MECOM: variants seen among roughly 807,000 people sequenced by gnomAD.
The protein encoded by MECOM is histone-lysine N-methyltransferase MECOM.
A neutral mutation model predicts 116.3 loss-of-function variants in MECOM; 13 were observed. The ratio of observed to expected loss-of-function variants is 0.11; its 90% confidence interval spans 0.07 to 0.18. The LOEUF is 0.18. Ranked by LOEUF, MECOM falls within the 10% of genes least tolerant of loss-of-function variation. The probability of loss-of-function intolerance (pLI) is 1.00; values close to 1 mark genes in which losing one functional copy is unlikely to be tolerated. For synonymous variants in MECOM, 528 were observed against 535.2 expected (o/e 0.99, Z 0.19); for missense variants, 1,299 against 1,509.0 (o/e 0.86, Z 2.31).
intron 2 of MECOM, among the ~76,000 whole-genome samples, chr3:169,362,756 A>G (rs1277191988): frequency 6.6e-6 from 1 of 151,948 alleles, no homozygotes; most frequent in African/African-American, 2.4e-5. Context: ...AATACACTTC[A>G]TCAAGTTGAG....
Position 169,223,556 on chromosome 3 carries a change from T to C in MECOM, c.376-79724A>G, listed in dbSNP as rs574453157. ...AGTAACTTCCAATTAAAAAATGTGA[T>C]AGGTTATAAAGTTCAACTGTGTATT... On this transcript the variant is annotated intron_variant, in intron 2 of 16. Coordinates refer to ENST00000651503, the MANE Select transcript of MECOM (RefSeq NM_004991.4). 4.6e-5 allele frequency among the ~76,000 whole-genome samples: 7 copies of C among 152,138 alleles called. No individual in the cohort carries two copies. The South Asian group carries it at 1.5e-3, about 32-fold the overall frequency.
chr3:169,660,456 G>A (rs937006391), intron 1 of MECOM, among the ~76,000 whole-genome samples: 13 of 146,592 alleles, frequency 8.9e-5, no homozygotes, highest in African/African-American at 3.0e-4. Context: ...TATTTTCAGG[G>A]TCCGTGGTCT....
chr3:169,106,319 C>T (rs1725404940), intron 10 of MECOM, among the ~76,000 whole-genome samples: 1 of 151,960 alleles, frequency 6.6e-6, no homozygotes, highest in African/African-American at 2.4e-5. Flanking sequence ...TTTGTGAGTA[C>T]ATTGTAGGTG....
intron 2 of MECOM, among the ~76,000 whole-genome samples, chr3:169,150,579 C>G (rs964427833): frequency 6.6e-6 from 1 of 152,050 alleles, no homozygotes; most frequent in Non-Finnish European, 1.5e-5. Context: ...GACAGATGAT[C>G]TAAATATTAA....
At chr3:169,244,368 G>A (rs193205364) in intron 2 of MECOM, among the ~76,000 whole-genome samples, 42 of 152,278 alleles carry the variant, frequency 2.8e-4, no homozygotes, top group Non-Finnish European at 4.1e-4. Context: ...TTTGGGAGCC[G>A]GAGCTACAGT....
chr3:169,417,622 G>T (rs1738893007), intron 1 of MECOM, among the ~76,000 whole-genome samples: 1 of 151,498 alleles, frequency 6.6e-6, no homozygotes, highest in Non-Finnish European at 1.5e-5. Context: ...ATACCCAAAG[G>T]ACTATAAATC....
chr3:169,571,027 T>C (rs1763826888), intron 1 of MECOM, among the ~76,000 whole-genome samples: 3 of 151,726 alleles, frequency 2.0e-5, no homozygotes, highest in Admixed American at 1.3e-4. Context: ...GGTATTCAAA[T>C]AGGAAAAAAA....
At chr3:169,140,014 C>T (rs1284520951) in intron 3 of MECOM, among the ~76,000 whole-genome samples, 1 of 150,696 alleles carries the variant, frequency 6.6e-6, no homozygotes, top group East Asian at 1.9e-4. Context: ...TCACATTAAA[C>T]ACATAGGTGC....
intron 1 of MECOM, among the ~76,000 whole-genome samples, chr3:169,594,697 C>T (rs1380219654): frequency 6.6e-6 from 1 of 151,696 alleles, no homozygotes; most frequent in Non-Finnish European, 1.5e-5. Context: ...ACTAGTCCAT[C>T]TGCAGGCATT....
intron 1 of MECOM, among the ~76,000 whole-genome samples, chr3:169,645,877 C>T (rs1290656734): frequency 6.6e-6 from 1 of 152,224 alleles, no homozygotes; most frequent in African/African-American, 2.4e-5. Context: ...TTGCTCTCCA[C>T]TACCTGAGTC....
At chr3:169,254,872 T>A (rs1577481134) in intron 2 of MECOM, among the ~76,000 whole-genome samples, 1 of 151,804 alleles carries the variant, frequency 6.6e-6, no homozygotes, top group East Asian at 1.9e-4. Context: ...GATATAGAAG[T>A]GGTGTTGGAG....
intron 2 of MECOM, among the ~76,000 whole-genome samples, chr3:169,232,874 C>T (rs560123108): frequency 1.7e-4 from 26 of 152,100 alleles, no homozygotes; most frequent in African/African-American, 5.5e-4. Context: ...CAACCTCTAC[C>T]TTTATAAGCA....
At chr3:169,520,957 T>G (rs1226365602) in intron 1 of MECOM, among the ~76,000 whole-genome samples, 1 of 152,174 alleles carries the variant, frequency 6.6e-6, no homozygotes, top group Non-Finnish European at 1.5e-5. Flanking sequence ...ATCACCCAAT[T>G]TTTTTGAGTT....
chr3:169,496,487 T>C (rs1753834467), intron 1 of MECOM, among the ~76,000 whole-genome samples: 1 of 152,186 alleles, frequency 6.6e-6, no homozygotes, highest in African/African-American at 2.4e-5. Flanking sequence ...GTCAAACTAA[T>C]GTGTTTTTTC....
At chr3:169,417,126 G>C (rs1738773051) in intron 1 of MECOM, among the ~76,000 whole-genome samples, 1 of 151,336 alleles carries the variant, frequency 6.6e-6, no homozygotes, top group Non-Finnish European at 1.5e-5. Context: ...CTAAACTAAA[G>C]AGCTTCTGCA....
chr3:169,569,447 T>G (rs1350822340), intron 1 of MECOM, among the ~76,000 whole-genome samples: 1 of 152,128 alleles, frequency 6.6e-6, no homozygotes, highest in African/African-American at 2.4e-5. Context: ...AACAAGGATA[T>G]TCAGGACTTG....
At chr3:169,209,511 A>T (rs1332914861) in intron 2 of MECOM, among the ~76,000 whole-genome samples, 3 of 152,160 alleles carry the variant, frequency 2.0e-5, no homozygotes, top group Non-Finnish European at 4.4e-5. Flanking sequence ...ATTTACGAGA[A>T]AAAAACAAAC....
intron 1 of MECOM, among the ~76,000 whole-genome samples, chr3:169,467,928 T>C (rs1748570758): frequency 6.6e-6 from 1 of 152,190 alleles, no homozygotes; most frequent in African/African-American, 2.4e-5. Context: ...TTTAAATGTG[T>C]TAAAAGGCTT....
chr3:169,650,276 T>C (rs1774720064), intron 1 of MECOM, among the ~76,000 whole-genome samples: 1 of 152,208 alleles, frequency 6.6e-6, no homozygotes, highest in Non-Finnish European at 1.5e-5. Flanking sequence ...TAGAAATTAT[T>C]GTGGGTAATT....
Sources: allele counts gnomAD v4.1 joint callset (sites outside exome capture counted in the v4.1 genomes callset), GRCh38; gene constraint gnomAD v4.1.1; transcripts MANE v1.5; gene names NCBI Gene and HGNC (gene_info 2026-07-23, HGNC 2026-07-21).